The following FGF12 variants were observed in gnomAD, a reference collection of about 807,000 sequenced individuals.
FGF12 encodes the protein fibroblast growth factor 12, also known as fibroblast growth factor 12B.
FGF12 carries 14 observed loss-of-function variants against 23.6 expected under a neutral mutation model. The observed-to-expected ratio is 0.59, with a 90% CI of 0.39 to 0.93. The LOEUF (loss-of-function observed/expected upper bound fraction) is 0.93, where lower values mean the gene tolerates loss of function less well. FGF12 is among the 40% of genes least tolerant of loss of function. The probability of loss-of-function intolerance (pLI) is 0.00; values close to 1 mark genes in which losing one functional copy is unlikely to be tolerated. For synonymous variants in FGF12, 62 were observed against 77.3 expected, an observed-to-expected ratio of 0.80 and a Z score of 1.04; for missense variants, 175 against 217.8, an observed-to-expected ratio of 0.80 and a Z score of 1.24.
chr3:192,510,249 T>C (rs577136411), intron 2 of FGF12, among the ~76,000 whole-genome samples: 1 of 152,210 alleles, frequency 6.6e-6, no homozygotes, highest in Admixed American at 6.5e-5. Flanking sequence ...CCCAAAATAT[T>C]GGGTGAAAAG....
chr3:192,669,912 T>C (rs939880770), intron 2 of FGF12, among the ~76,000 whole-genome samples: 3 of 152,188 alleles, frequency 2.0e-5, no homozygotes, highest in Non-Finnish European at 4.4e-5. Context: ...CCATTCAAAT[T>C]ACAAGGTAGC....
At chr3:192,429,488 A>G (rs1721787706) in intron 2 of FGF12, among the ~76,000 whole-genome samples, 1 of 152,172 alleles carries the variant, frequency 6.6e-6, no homozygotes, top group Non-Finnish European at 1.5e-5. Flanking sequence ...TCCTTTGCAT[A>G]AAGTATTGAT....
intron 4 of FGF12, among the ~76,000 whole-genome samples, chr3:192,195,192 T>C (rs377086816): frequency 1.6e-4 from 25 of 152,242 alleles, no homozygotes; most frequent in Non-Finnish European, 2.9e-4. Context: ...ATATGTAATG[T>C]ATCATTGGCC....
chr3:192,355,889 A>G (rs1198467030), intron 3 of FGF12, among the ~76,000 whole-genome samples: 2 of 152,200 alleles, frequency 1.3e-5, no homozygotes, highest in Non-Finnish European at 1.5e-5. Context: ...ACATGATTAC[A>G]GGGTCTTGCT....
chr3:192,517,155 G>A (rs946625827), intron 2 of FGF12: 1 of 152,224 alleles, frequency 6.6e-6, no homozygotes, highest in East Asian at 1.9e-4. Context: ...AGGTCCGTGT[G>A]TGATTTTAAA....
intron 2 of FGF12, among the ~76,000 whole-genome samples, chr3:192,526,203 T>C (rs1724942447): frequency 6.6e-6 from 1 of 152,198 alleles, no homozygotes; most frequent in South Asian, 2.1e-4. Context: ...TTATCACCTC[T>C]GTCAATAAAC....
intron 2 of FGF12, among the ~76,000 whole-genome samples, chr3:192,620,974 G>GGGAGTTA (rs1347391468): frequency 1.3e-5 from 2 of 152,124 alleles, no homozygotes; most frequent in Non-Finnish European, 2.9e-5. Context: ...AGCATCATCT[G>GGGAGTTA]ACTCTAACAT....
chr3:192,265,185 CT>C (rs1713004355), intron 4 of FGF12: 1 of 152,106 alleles, frequency 6.6e-6, no homozygotes, highest in Admixed American at 6.6e-5. Flanking sequence ...GGAAACATTT[CT>C]TTGTTCAATA....
chr3:192,678,663 A>G (rs979160140), intron 2 of FGF12, among the ~76,000 whole-genome samples: 2 of 152,130 alleles, frequency 1.3e-5, no homozygotes, highest in Non-Finnish European at 1.5e-5. Context: ...TATTTCTGCA[A>G]TTTCCCCGAA....
chr3:192,183,701 C>T (rs1716303826), intron 4 of FGF12, among the ~76,000 whole-genome samples: 1 of 152,122 alleles, frequency 6.6e-6, no homozygotes, highest in African/African-American at 2.4e-5. Context: ...TCATAGAATC[C>T]TTGAAATCTA....
At chr3:192,714,578 G>A (rs1227847382) in intron 2 of FGF12, among the ~76,000 whole-genome samples, 3 of 145,916 alleles carry the variant, frequency 2.1e-5, no homozygotes, top group African/African-American at 2.6e-5. Context: ...GAGTGCAGCG[G>A]CGCAATCTCG....
chr3:192,686,757 T>G (rs1717751167), intron 2 of FGF12, among the ~76,000 whole-genome samples: 1 of 151,706 alleles, frequency 6.6e-6, no homozygotes, highest in African/African-American at 2.4e-5. Flanking sequence ...AACTGCACGT[T>G]CTGCACATGT....
chr3:192,291,192 T>C lies in FGF12; in HGVS notation c.228+44169A>G, dbSNP rs147796613. ...CTTCTTGTATACGAAGAACATCTGA[T>C]ATATGTGTATATATTTTTATAAAAC... is the stretch of plus-strand genomic sequence containing the variant. On this transcript the variant is annotated intron_variant, in intron 4 of 5. Coordinates refer to ENST00000445105, the MANE Select transcript of FGF12 (RefSeq NM_004113.6). Among the ~76,000 whole-genome samples the C allele has an allele frequency of 1.8e-3, 279 of 152,328 alleles. 1 individual carries two copies. The highest frequency in any genetic ancestry group is 3.4e-3 in the Middle Eastern group (1 of 294).
At chr3:192,335,623 C>G (rs1717365774) in intron 3 of FGF12, among the ~76,000 whole-genome samples, 159 bp from the exon 4 acceptor site, 1 of 152,094 alleles carries the variant, frequency 6.6e-6, no homozygotes, top group Non-Finnish European at 1.5e-5. Flanking sequence ...AAATTGACTT[C>G]TTGACCCTGC....
intron 2 of FGF12, among the ~76,000 whole-genome samples, chr3:192,635,322 A>G (rs776691198): frequency 3.3e-5 from 5 of 152,174 alleles, no homozygotes; most frequent in African/African-American, 9.7e-5. Context: ...CTCTTTACTC[A>G]TAACTCTTCT....
At chr3:192,337,239 A>G (rs2108703298) in intron 3 of FGF12, among the ~76,000 whole-genome samples, 1 of 152,300 alleles carries the variant, frequency 6.6e-6, no homozygotes, top group Admixed American at 6.5e-5. Context: ...AAGTTCAGGA[A>G]AATGGAAGCT....
intron 2 of FGF12, among the ~76,000 whole-genome samples, chr3:192,669,702 T>C (rs1717038824): frequency 6.6e-6 from 1 of 151,846 alleles, no homozygotes; most frequent in Non-Finnish European, 1.5e-5. Flanking sequence ...TCACAGTTAT[T>C]TTTCCAATAA....
At chr3:192,611,184 C>T (rs1714537735) in intron 2 of FGF12, among the ~76,000 whole-genome samples, 2 of 151,960 alleles carry the variant, frequency 1.3e-5, no homozygotes, top group African/African-American at 2.4e-5. Context: ...CAATGCCATA[C>T]GTGGAAGCTA....
intron 4 of FGF12, among the ~76,000 whole-genome samples, chr3:192,301,680 G>A (rs934271326): frequency 1.9e-4 from 29 of 152,178 alleles, no homozygotes; most frequent in African/African-American, 6.5e-4. Context: ...GCAGAGTGGA[G>A]GGAGGGTGTT....
Sources: allele counts gnomAD v4.1 joint callset (sites outside exome capture counted in the v4.1 genomes callset), GRCh38; gene constraint gnomAD v4.1.1; transcripts MANE v1.5; gene names NCBI Gene and HGNC (gene_info 2026-07-23, HGNC 2026-07-21).